The following KCNIP4 variants were observed in gnomAD, a reference collection of about 807,000 sequenced individuals.
The protein encoded by KCNIP4 is potassium voltage-gated channel interacting protein 4, also known as Kv channel-interacting protein 4.
In KCNIP4, 12 loss-of-function variants were observed where a neutral mutation model predicts 34.0. The observed-to-expected ratio is 0.35, with a 90% CI of 0.23 to 0.57. KCNIP4 has a LOEUF of 0.57. Ranked by LOEUF, KCNIP4 falls within the 20% of genes least tolerant of loss-of-function variation. KCNIP4 has a pLI of 0.83. For missense variants in KCNIP4, 238 were observed against 311.7 expected, an observed-to-expected ratio of 0.76 and a Z score of 1.78; for synonymous variants, 124 against 102.2, an observed-to-expected ratio of 1.21 and a Z score of -1.29.
In KCNIP4 at chr4:21,627,393, T is replaced by C. The variant is rs371126855; in HGVS notation, c.61+321178A>G. Among the ~76,000 whole-genome samples the C allele has an allele frequency of 2.8e-4, 42 of 152,244 alleles. No homozygotes were observed. In the East Asian group the frequency reaches 7.0e-3, roughly 25 times the overall value. The stretch of plus-strand genomic sequence containing the variant: ...TCTGTCTTTCCCATGCACACACCCA[T>C]GCATGCTCACACACCCAAAAAACTG... On this transcript the variant is annotated intron_variant, in intron 1 of 8. Transcript: ENST00000382152.
chr4:21,624,501 A>T, intron 1 of KCNIP4, among the ~76,000 whole-genome samples: 1 of 152,144 alleles, frequency 6.6e-6, no homozygotes, highest in Non-Finnish European at 1.5e-5. Context: ...TGATGTATTT[A>T]TCCATATATA....
chr4:21,783,528 C>T (rs1050618267), intron 1 of KCNIP4, among the ~76,000 whole-genome samples: 16 of 152,110 alleles, frequency 1.1e-4, no homozygotes, highest in Non-Finnish European at 1.5e-4. Context: ...TATTATAAAA[C>T]TGAGAGCAAG....
chr4:21,107,164 T>C (rs554855827), intron 1 of KCNIP4, among the ~76,000 whole-genome samples: 17,438 of 141,178 alleles, frequency 0.12, 1,233 homozygotes, highest in South Asian at 0.15. Flanking sequence ...TTTAACTTTC[T>C]GTCTCATTGA....
intron 1 of KCNIP4, chr4:21,846,027 C>T (rs1404952397): frequency 2.0e-5 from 3 of 152,058 alleles, no homozygotes; most frequent in African/African-American, 7.2e-5. Context: ...GATCAGCTAA[C>T]TCAGTCTCTT....
intron 1 of KCNIP4, among the ~76,000 whole-genome samples, chr4:21,124,238 G>A (rs1750423232): frequency 1.3e-5 from 2 of 152,236 alleles, no homozygotes; most frequent in Non-Finnish European, 1.5e-5. Flanking sequence ...ATTTATGAGA[G>A]AATGAGAAAG....
chr4:21,694,943 A>AAAAAC (rs1560637409), intron 1 of KCNIP4, among the ~76,000 whole-genome samples: 7 of 45,336 alleles, frequency 1.5e-4, no homozygotes, highest in African/African-American at 3.3e-4. Context: ...AAAATAAATA[A>AAAAAC]ATAAATAAAG....
At chr4:21,659,771 T>C (rs985023021) in intron 1 of KCNIP4, among the ~76,000 whole-genome samples, 1 of 152,202 alleles carries the variant, frequency 6.6e-6, no homozygotes, top group Non-Finnish European at 1.5e-5. Flanking sequence ...GTCCTATACC[T>C]TACTTGTTAT....
intron 3 of KCNIP4, among the ~76,000 whole-genome samples, chr4:20,790,201 A>G (rs966172016): frequency 3.9e-5 from 6 of 152,138 alleles, no homozygotes; most frequent in Non-Finnish European, 8.8e-5. Context: ...GTATCTAAAC[A>G]TAGGAAAAGT....
At chr4:21,473,231 G>T (rs1385466182) in intron 1 of KCNIP4, among the ~76,000 whole-genome samples, 1 of 152,168 alleles carries the variant, frequency 6.6e-6, no homozygotes, top group Admixed American at 6.5e-5. Context: ...ATTTGTTACT[G>T]CAGCATAACC....
At chr4:21,201,375 A>T (rs1402395256) in intron 1 of KCNIP4, among the ~76,000 whole-genome samples, 1 of 152,214 alleles carries the variant, frequency 6.6e-6, no homozygotes, top group Non-Finnish European at 1.5e-5. Context: ...AAAGGACTGA[A>T]AATATGATTA....
In KCNIP4 at chr4:21,836,838, T is replaced by C. The variant is rs553076167; in HGVS notation, c.61+111733A>G. Among the ~76,000 whole-genome samples, 26 of 152,022 alleles carry C rather than the reference T, an allele frequency of 1.7e-4. No homozygotes were observed. In the South Asian group the frequency reaches 2.1e-3, roughly 12 times the overall value. ...TAATGGGCTTAATCTAGGAGCCAGA[T>C]GGATTTGTCCTCTCCCAAAGTGCAG... On this transcript the variant is annotated intron_variant, in intron 1 of 8. Transcript: ENST00000382152.
At chr4:21,297,493 T>G (rs1264382178) in intron 1 of KCNIP4, among the ~76,000 whole-genome samples, 1 of 152,166 alleles carries the variant, frequency 6.6e-6, no homozygotes, top group East Asian at 1.9e-4. Context: ...GAATAAGCAT[T>G]TTATGAAACA....
chr4:21,095,502 A>G (rs754575610), intron 1 of KCNIP4, among the ~76,000 whole-genome samples: 7 of 152,238 alleles, frequency 4.6e-5, no homozygotes, highest in Non-Finnish European at 1.0e-4. Context: ...CTTTAAAAAC[A>G]CATACTAATT....
At chr4:21,588,965 T>C (rs1009655102) in intron 1 of KCNIP4, among the ~76,000 whole-genome samples, 1 of 151,020 alleles carries the variant, frequency 6.6e-6, no homozygotes, top group Non-Finnish European at 1.5e-5. Context: ...AGCAGATGAG[T>C]ATCTCCTACT....
intron 1 of KCNIP4, among the ~76,000 whole-genome samples, chr4:21,434,262 A>T (rs1726755599): frequency 6.6e-6 from 1 of 152,216 alleles, no homozygotes; most frequent in Non-Finnish European, 1.5e-5. Context: ...ATACTGATAA[A>T]ATTCCTTTTC....
chr4:21,782,959 C>T (rs1194715704), intron 1 of KCNIP4, among the ~76,000 whole-genome samples: 1 of 151,900 alleles, frequency 6.6e-6, no homozygotes, highest in African/African-American at 2.4e-5. Context: ...CTTGAAATGA[C>T]AAAATTGTAG....
chr4:20,829,889 C>T (rs531314822), intron 3 of KCNIP4, among the ~76,000 whole-genome samples: 2 of 152,194 alleles, frequency 1.3e-5, no homozygotes, highest in South Asian at 4.2e-4. Context: ...ATTTATTTCC[C>T]AGCCTGGACC....
At chr4:21,107,358 T>C (rs1748657651) in intron 1 of KCNIP4, among the ~76,000 whole-genome samples, 1 of 146,760 alleles carries the variant, frequency 6.8e-6, no homozygotes, top group South Asian at 2.1e-4. Context: ...TGTAATGACC[T>C]TCTTTGTCTC....
intron 1 of KCNIP4, among the ~76,000 whole-genome samples, chr4:21,277,207 G>C (rs1296234216): frequency 2.0e-5 from 3 of 152,126 alleles, no homozygotes; most frequent in African/African-American, 7.2e-5. Flanking sequence ...TGATGAAAAT[G>C]ACTAGATTTT....
Sources: gnomAD v4.1 joint callset for allele counts (sites outside exome capture counted in the v4.1 genomes callset) on GRCh38, gnomAD v4.1.1 for gene constraint, MANE v1.5 for transcripts, NCBI Gene and HGNC (gene_info 2026-07-23, HGNC 2026-07-21) for gene names.